NEGR1: variants seen among roughly 807,000 people sequenced by gnomAD.
The protein encoded by NEGR1 is IgLON family member 4.
NEGR1 carries 10 observed loss-of-function variants against 40.9 expected under a neutral mutation model. That is an observed-to-expected ratio of 0.24 (90% CI 0.15 to 0.42). The LOEUF (loss-of-function observed/expected upper bound fraction) is 0.42. NEGR1 is among the 10% of genes least tolerant of loss of function. The probability of loss-of-function intolerance (pLI) is 1.00; values close to 1 mark genes in which losing one functional copy is unlikely to be tolerated. For missense variants in NEGR1, 352 were observed against 438.9 expected, an observed-to-expected ratio of 0.80 and a Z score of 1.77; for synonymous variants, 185 against 166.8, an observed-to-expected ratio of 1.11 and a Z score of -0.84.
At chr1:71,474,382 A>G (rs554721223) in intron 6 of NEGR1, among the ~76,000 whole-genome samples, 43 of 150,746 alleles carry the variant, frequency 2.9e-4, no homozygotes, top group Non-Finnish European at 3.2e-4. Context: ...GAGAGAAGAA[A>G]TTGTTCAGGG....
chr1:72,182,519 A>C (rs141341755), intron 1 of NEGR1, among the ~76,000 whole-genome samples: 2,241 of 151,986 alleles, frequency 0.015, 34 homozygotes, highest in Non-Finnish European at 0.019. Flanking sequence ...ATACAAATAA[A>C]ATGTTCAGGT....
chr1:71,490,983 A>G (rs1415449808), intron 6 of NEGR1, among the ~76,000 whole-genome samples: 1 of 152,010 alleles, frequency 6.6e-6, no homozygotes, highest in Non-Finnish European at 1.5e-5. Context: ...ACACATAGCA[A>G]GTATTTCACA....
intron 1 of NEGR1, among the ~76,000 whole-genome samples, chr1:71,983,433 AT>A (rs1165883507): frequency 6.6e-6 from 1 of 152,008 alleles, no homozygotes; most frequent in Non-Finnish European, 1.5e-5. Context: ...ATAAAATAGA[AT>A]TTTTTTTCTG....
At chr1:71,617,491 T>C (rs941167873) in intron 4 of NEGR1, among the ~76,000 whole-genome samples, 1 of 152,218 alleles carries the variant, frequency 6.6e-6, no homozygotes. Flanking sequence ...ACACCACAGC[T>C]GCAGGACTAT....
intron 2 of NEGR1, among the ~76,000 whole-genome samples, chr1:71,854,504 T>C (rs1460717480): frequency 3.3e-5 from 5 of 152,112 alleles, no homozygotes; most frequent in South Asian, 4.1e-4. Flanking sequence ...TGTAAATCAA[T>C]TGGTCAGTCA....
chr1:72,104,376 G>T (rs1225852938), intron 1 of NEGR1, among the ~76,000 whole-genome samples: 1 of 152,096 alleles, frequency 6.6e-6, no homozygotes, highest in Admixed American at 6.6e-5. Context: ...TGTGACCGCG[G>T]AAGCAGAGGC....
chr1:71,535,928 T>C (rs1259758675), intron 6 of NEGR1, among the ~76,000 whole-genome samples: 2 of 151,718 alleles, frequency 1.3e-5, no homozygotes, highest in Admixed American at 6.6e-5. Flanking sequence ...TCCTATTTTA[T>C]AGGGTTTGGA....
At chr1:71,972,089 G>A (rs1350043005) in intron 1 of NEGR1, among the ~76,000 whole-genome samples, 3 of 152,194 alleles carry the variant, frequency 2.0e-5, no homozygotes, top group African/African-American at 7.2e-5. Context: ...ATCACTTGGA[G>A]TAGTGATAAC....
intron 1 of NEGR1, among the ~76,000 whole-genome samples, chr1:72,109,283 G>A (rs752152476): frequency 3.3e-5 from 5 of 151,584 alleles, no homozygotes; most frequent in South Asian, 2.1e-4. Context: ...ACTTCTCTCC[G>A]TTTTATCTGA....
chr1:72,049,646 T>C (rs534267934), intron 1 of NEGR1, among the ~76,000 whole-genome samples: 1 of 151,068 alleles, frequency 6.6e-6, no homozygotes, highest in East Asian at 1.9e-4. Flanking sequence ...ATTGTACACA[T>C]TGTCAACGCA....
rs113338832 is a variant in NEGR1 at position 71,723,669 on chromosome 1, C to T, written c.536-25530G>A. 5.2e-3 allele frequency among the ~76,000 whole-genome samples: 796 copies of T among 152,078 alleles called. 7 individuals are homozygous for T. Among genetic ancestry groups the T allele is most frequent in the Middle Eastern group, 0.031 (9 of 294 alleles). On this transcript the variant is annotated intron_variant, in intron 3 of 6. Coordinates refer to ENST00000357731, the MANE Select transcript of NEGR1 (RefSeq NM_173808.3). ...ACCCCATCTCACTATTCACTTGTAT[C>T]GTTTATAATAAATTGAAGTGCCTTA...
intron 2 of NEGR1, among the ~76,000 whole-genome samples, chr1:71,783,753 T>C (rs1170067101): frequency 1.3e-5 from 2 of 152,126 alleles, no homozygotes; most frequent in African/African-American, 4.8e-5. Flanking sequence ...TGCACGAGTT[T>C]TTCTCAATCT....
intron 1 of NEGR1, among the ~76,000 whole-genome samples, chr1:72,067,467 T>C (rs1647304299): frequency 1.3e-5 from 2 of 152,104 alleles, no homozygotes; most frequent in Non-Finnish European, 2.9e-5. Context: ...AGAAAAATAA[T>C]TGACTAGATA....
chr1:71,670,550 T>C (rs1308238128), intron 4 of NEGR1, among the ~76,000 whole-genome samples: 1 of 151,754 alleles, frequency 6.6e-6, no homozygotes, highest in Non-Finnish European at 1.5e-5. Flanking sequence ...TAATAAGTTG[T>C]AACAGTTTTT....
At chr1:72,031,470 C>G (rs1284093324) in intron 1 of NEGR1, among the ~76,000 whole-genome samples, 2 of 152,074 alleles carry the variant, frequency 1.3e-5, no homozygotes, top group African/African-American at 4.8e-5. Context: ...ACATCATCAT[C>G]GTAATTATCT....
At chr1:71,929,340 T>C (rs1186577330) in intron 2 of NEGR1, among the ~76,000 whole-genome samples, 2 of 152,194 alleles carry the variant, frequency 1.3e-5, no homozygotes, top group African/African-American at 2.4e-5. Flanking sequence ...TAACGGGTTA[T>C]TAAGCCATTT....
rs576461564 is a variant in NEGR1, at chr1:71,401,016, G to A, written c.*6430C>T. On this transcript the variant is annotated 3_prime_UTR_variant, in exon 7 of 7. Coordinates refer to ENST00000357731, the MANE Select transcript of NEGR1 (RefSeq NM_173808.3). ...CCACTGCACTCCATCCAGGGCAACC[G>A]AGCAAAACTCTGAAAAAGAAAAAAA... The A allele has an allele frequency of 2.0e-5, 3 of 152,006 alleles. No homozygotes were observed. The highest frequency in any genetic ancestry group is 2.1e-4 in the South Asian group (1 of 4,818). The allele number at this position is 152,006 out of a possible 1,614,324, so 9.4% of individuals were successfully genotyped here. A position where few individuals can be genotyped will look rare whatever the true frequency, so the allele number is the denominator to read the frequency against.
chr1:72,206,571 T>C (rs1239220221), intron 1 of NEGR1, among the ~76,000 whole-genome samples: 1 of 115,914 alleles, frequency 8.6e-6, no homozygotes, highest in Non-Finnish European at 1.9e-5. Flanking sequence ...TCTCACTCTA[T>C]AAGGTGATTT....
chr1:72,088,239 C>T (rs908860895), intron 1 of NEGR1, among the ~76,000 whole-genome samples: 9 of 152,102 alleles, frequency 5.9e-5, no homozygotes, highest in Non-Finnish European at 1.3e-4. Flanking sequence ...AGAACATCAC[C>T]TACAACTTGT....
Sources: allele counts gnomAD v4.1 joint callset (sites outside exome capture counted in the v4.1 genomes callset), GRCh38; gene constraint gnomAD v4.1.1; transcripts MANE v1.5; gene names NCBI Gene and HGNC (gene_info 2026-07-23, HGNC 2026-07-21).